The following GRIN3A variants were observed in gnomAD, a reference collection of about 807,000 sequenced individuals.
GRIN3A encodes the protein glutamate ionotropic receptor NMDA type subunit 3A.
Under a neutral mutation model 92.4 loss-of-function variants are expected in GRIN3A, and 47 were observed. The ratio of observed to expected loss-of-function variants is 0.51; its 90% confidence interval spans 0.40 to 0.65. GRIN3A has a LOEUF of 0.65. Ranked by LOEUF, GRIN3A falls within the 30% of genes least tolerant of loss-of-function variation. The pLI is 0.00. For missense variants in GRIN3A, 1,324 were observed against 1,393.1 expected (o/e 0.95, Z 0.79); for synonymous variants, 527 against 540.6 (o/e 0.97, Z 0.35).
intron 4 of GRIN3A, among the ~76,000 whole-genome samples, chr9:101,627,147 A>C (rs932430432): frequency 5.3e-5 from 8 of 152,226 alleles, no homozygotes; most frequent in African/African-American, 1.7e-4. Context: ...AAGAGAATAC[A>C]CAAGAAGATC....
At chr9:101,676,359 T>C (rs1829394667) in intron 2 of GRIN3A, among the ~76,000 whole-genome samples, 1 of 151,950 alleles carries the variant, frequency 6.6e-6, no homozygotes, top group African/African-American at 2.4e-5. Flanking sequence ...TCTATGTGAA[T>C]ATCTATTTTG....
At chr9:101,586,131 T>C (rs915102344) in intron 6 of GRIN3A, among the ~76,000 whole-genome samples, 3 of 152,226 alleles carry the variant, frequency 2.0e-5, no homozygotes, top group African/African-American at 7.2e-5. Flanking sequence ...AAGTTTACCC[T>C]AATCACTGTG....
At chr9:101,646,067 C>T (rs886797215) in intron 3 of GRIN3A, among the ~76,000 whole-genome samples, 11 of 151,578 alleles carry the variant, frequency 7.3e-5, no homozygotes, top group Admixed American at 2.6e-4. Context: ...GTACAGAAAC[C>T]TTTTAGCTCA....
Position 101,737,672 on chromosome 9 carries a change from T to G in GRIN3A, c.308A>C (p.His103Pro). Residue 103 changes from histidine to proline, a missense_variant, in exon 1 of 9, where the codon CAT (histidine) becomes CCT (proline). His to Pro is a moderately conservative substitution (Grantham distance 77, BLOSUM62 -2). Coordinates refer to ENST00000361820, the MANE Select transcript of GRIN3A (RefSeq NM_133445.3). Reference sequence around the variant, plus strand: ...ACGGGAGCCCGGCGGCCCCCGGCCATGCAGGGTGCTCCCCAACCAGCGTGC... The same window carrying G: ...ACGGGAGCCCGGCGGCCCCCGGCCAGGCAGGGTGCTCCCCAACCAGCGTGC... ...PGARWLGSTL[H>P]GRGPPGSRKP... is the part of the protein sequence containing the mutation. 1.3e-6 allele frequency: 2 copies of G among 1,587,908 alleles called. No homozygotes were observed. The highest frequency in any genetic ancestry group is 1.7e-6 in the Non-Finnish European group (2 of 1,170,220).
Position 101,738,438 on chromosome 9 carries a change from T to G in GRIN3A, c.-459A>C. 1 of 187,158 alleles carries G rather than the reference T, an allele frequency of 5.3e-6. No individual in the cohort carries two copies. Among genetic ancestry groups the G allele is most frequent in the Non-Finnish European group, 1.1e-5 (1 of 91,980 alleles). The allele number at this position is 187,158 out of a possible 1,614,324, so 11.6% of individuals were successfully genotyped here. On this transcript the variant is annotated 5_prime_UTR_variant, in exon 1 of 9. Coordinates refer to ENST00000361820, the MANE Select transcript of GRIN3A (RefSeq NM_133445.3). The stretch of plus-strand genomic sequence containing the variant: ...TCTGCCCAGGCGAGACCCACTTATT[T>G]CCTGGGGTCGCGTTGGAGAGGGCTT...
intron 1 of GRIN3A, 50 bp downstream of exon 1, chr9:101,737,231 C>T: frequency 6.6e-7 from 1 of 1,513,600 alleles, no homozygotes; most frequent in Non-Finnish European, 9.2e-7. Context: ...TGCAATGGCC[C>T]CGGCCCCCAG....
chr9:101,688,339 C>T (rs898682719), intron 1 of GRIN3A, among the ~76,000 whole-genome samples: 1 of 152,120 alleles, frequency 6.6e-6, no homozygotes, highest in Non-Finnish European at 1.5e-5. Flanking sequence ...GTGAGGACTC[C>T]ACAGAGGTTT....
intron 6 of GRIN3A, among the ~76,000 whole-genome samples, chr9:101,603,951 TTG>T (rs1439745417): frequency 6.6e-6 from 1 of 152,234 alleles, no homozygotes; most frequent in African/African-American, 2.4e-5. Context: ...ATGGCCTTGT[TTG>T]TGTCACGGCT....
chr9:101,574,219 A>G (rs1331812105), intron 8 of GRIN3A, among the ~76,000 whole-genome samples: 1 of 152,170 alleles, frequency 6.6e-6, no homozygotes, highest in Non-Finnish European at 1.5e-5. Flanking sequence ...ATCACCTACT[A>G]CCATCATGGA....
At chr9:101,650,820 C>A (rs895505385) in intron 3 of GRIN3A, among the ~76,000 whole-genome samples, 3 of 151,910 alleles carry the variant, frequency 2.0e-5, no homozygotes, top group South Asian at 2.1e-4. Context: ...ATTCCACCCC[C>A]CCACACACAT....
rs767627430 is a variant in GRIN3A at position 101,597,809 on chromosome 9, A to AGTATACTATAC, written c.2766+15566_2766+15567insGTATAGTATAC. Among the ~76,000 whole-genome samples, 924 of 152,338 alleles carry AGTATACTATAC rather than the reference A, an allele frequency of 6.1e-3. 2 individuals are homozygous for AGTATACTATAC. The highest frequency in any genetic ancestry group is 8.9e-3 in the Non-Finnish European group (607 of 68,022). On this transcript the variant is annotated intron_variant, in intron 6 of 8. Coordinates refer to ENST00000361820, the MANE Select transcript of GRIN3A (RefSeq NM_133445.3). Reference sequence around the variant, plus strand: ...AAAAAGTTTACTTCATAAAGTTGTAAAACTAAATATAGTATATATATGATA... The same window carrying AGTATACTATAC: ...AAAAAGTTTACTTCATAAAGTTGTAAGTATACTATACAACTAAATATAGTATATATATGATA...
At chr9:101,689,216 G>C (rs2485535) in intron 1 of GRIN3A, among the ~76,000 whole-genome samples, 140,346 of 152,262 alleles carry the variant, frequency 0.92, 65,001 homozygotes, top group Middle Eastern at 0.97. Context: ...TTATTCCTAA[G>C]TGTTTTCTTG....
chr9:101,701,615 A>G (rs1032189592), intron 1 of GRIN3A, among the ~76,000 whole-genome samples: 1 of 152,206 alleles, frequency 6.6e-6, no homozygotes, highest in Non-Finnish European at 1.5e-5. Context: ...AACCTTGACA[A>G]TACCATTCAG....
At chr9:101,617,113 T>A (rs1463835370) in intron 5 of GRIN3A, among the ~76,000 whole-genome samples, 2 of 143,034 alleles carry the variant, frequency 1.4e-5, no homozygotes, top group East Asian at 4.1e-4. Flanking sequence ...GGCAGGAGAA[T>A]GGCGTGAACC....
chr9:101,684,943 A>G (rs1829512474), intron 2 of GRIN3A, among the ~76,000 whole-genome samples: 1 of 152,166 alleles, frequency 6.6e-6, no homozygotes, highest in Non-Finnish European at 1.5e-5. Flanking sequence ...CTTGTCTTAG[A>G]TAAAATTCTG....
At position 101,713,091 on chromosome 9, in the gene GRIN3A, C is replaced by T. The variant is rs140986894; in HGVS notation, c.699+24190G>A. ...TTTAAAGACTTCCATCCCTTTCCTT[C>T]GGCCATTTAGTTCAATTGGAAAAGT... On this transcript the variant is annotated intron_variant, in intron 1 of 8. Coordinates refer to ENST00000361820, the MANE Select transcript of GRIN3A (RefSeq NM_133445.3). Among the ~76,000 whole-genome samples, 476 of 152,234 alleles carry T rather than the reference C, an allele frequency of 3.1e-3. 1 individual carries two copies. The highest frequency in any genetic ancestry group is 0.011 in the African/African-American group (451 of 41,524).
chr9:101,606,906 ATTT>A (rs536780165), intron 6 of GRIN3A, among the ~76,000 whole-genome samples: 58 of 86,206 alleles, frequency 6.7e-4, no homozygotes, highest in African/African-American at 8.8e-4. Context: ...AAAAAATTAC[ATTT>A]TTTTTTTTTT....
At chr9:101,577,102 A>T (rs1827835755) in intron 8 of GRIN3A, among the ~76,000 whole-genome samples, 1 of 152,202 alleles carries the variant, frequency 6.6e-6, no homozygotes, top group South Asian at 2.1e-4. Context: ...TTCGATTTTC[A>T]GATGTCATTA....
chr9:101,674,431 A>C (rs1457305784), intron 2 of GRIN3A, among the ~76,000 whole-genome samples: 1 of 152,112 alleles, frequency 6.6e-6, no homozygotes, highest in Non-Finnish European at 1.5e-5. Context: ...AGGCAGTAGC[A>C]GAAATGGAGA....
Sources: allele counts gnomAD v4.1 joint callset (sites outside exome capture counted in the v4.1 genomes callset), GRCh38; gene constraint gnomAD v4.1.1; transcripts MANE v1.5; gene names NCBI Gene and HGNC (gene_info 2026-07-23, HGNC 2026-07-21).